Variants in NGEF observed in about 807,000 individuals in gnomAD.
NGEF encodes the protein ephexin-1.
NGEF carries 31 observed loss-of-function variants against 80.9 expected under a neutral mutation model. The observed-to-expected ratio is 0.38, with a 90% CI of 0.29 to 0.52. NGEF has a LOEUF of 0.52. Among genes scored for constraint, NGEF ranks in the 20% least tolerant of loss-of-function variants. NGEF has a pLI of 0.84. For missense variants in NGEF, 709 were observed against 926.2 expected (o/e 0.77, Z 3.04); for synonymous variants, 371 against 370.2 (o/e 1.00, Z -0.03).
intron 5 of NGEF, among the ~76,000 whole-genome samples, chr2:232,916,219 T>A (rs1414554442): frequency 6.6e-6 from 1 of 152,252 alleles, no homozygotes; most frequent in Non-Finnish European, 1.5e-5. Flanking sequence ...CTTGATAATG[T>A]CAGCTTTTTG....
At chr2:233,000,444 T>C (rs1019611360) in intron 1 of NGEF, among the ~76,000 whole-genome samples, 1 of 151,312 alleles carries the variant, frequency 6.6e-6, no homozygotes, top group Non-Finnish European at 1.5e-5. Context: ...GGCCCCACCC[T>C]CATGGCCTGG....
intron 8 of NGEF, among the ~76,000 whole-genome samples, chr2:232,889,311 T>C (rs992622677): frequency 3.3e-5 from 5 of 152,208 alleles, no homozygotes; most frequent in Non-Finnish European, 5.9e-5. Flanking sequence ...TTCCTTAGCC[T>C]GGCACGTGCT....
At chr2:232,961,485 A>ATTTTATT (rs892380218) in intron 3 of NGEF, among the ~76,000 whole-genome samples, 1 of 152,016 alleles carries the variant, frequency 6.6e-6, no homozygotes, top group African/African-American at 2.4e-5. Context: ...CAACCAGATT[A>ATTTTATT]TTTTATTTTT....
At chr2:232,962,558 T>A (rs1468748709) in intron 3 of NGEF, among the ~76,000 whole-genome samples, 2 of 151,734 alleles carry the variant, frequency 1.3e-5, no homozygotes, top group African/African-American at 4.9e-5. Context: ...CAAAAAGAGC[T>A]AATAAGCGAA....
rs57851903 is a variant in NGEF at position 232,944,726 on chromosome 2, A to AATATATATATATATATATATAT, written c.384-17562_384-17541dup. On this transcript the variant is annotated intron_variant, in intron 3 of 14. Coordinates refer to ENST00000264051, the MANE Select transcript of NGEF (RefSeq NM_019850.3). ...TGGGCTAGGGGATAAGACTTTTCCGAATATATATATATATATATATATATA... is the reference window on the plus strand; with the variant it reads ...TGGGCTAGGGGATAAGACTTTTCCGAATATATATATATATATATATATATATATATATATATATATATATATA... Among the ~76,000 whole-genome samples the AATATATATATATATATATATAT allele has an allele frequency of 8.2e-4, 89 of 108,702 alleles. 2 individuals are homozygous for AATATATATATATATATATATAT. The highest frequency in any genetic ancestry group is 1.4e-3 in the East Asian group (5 of 3,526). The allele number at this position is 108,702 out of a possible 152,430, so 71.3% of individuals were successfully genotyped here. A position where few individuals can be genotyped will look rare whatever the true frequency, so the allele number is the denominator to read the frequency against.
chr2:233,001,558 G>A lies in NGEF; in HGVS notation c.-75+11510C>T, dbSNP rs184546975. Among the ~76,000 whole-genome samples the A allele has an allele frequency of 1.4e-3, 209 of 152,302 alleles. 2 individuals carry two copies. Among genetic ancestry groups the A allele is most frequent in the Middle Eastern group, 0.014 (4 of 294 alleles). On this transcript the variant is annotated intron_variant, in intron 1 of 14. Transcript: ENST00000264051. ...AGAGTGGGAATAGCCAGCGAGAACG[G>A]AAGGCGAGAGGGAGGCAGAGGGTGA...
chr2:232,952,697 G>C lies in NGEF; in HGVS notation c.383+17517C>G, dbSNP rs562931230. ...AAAAGTGATCAGTGAGCCGGGCGCA[G>C]TGACTCACGCCTGTAATCCCAGCAC... On this transcript the variant is annotated intron_variant, in intron 3 of 14. Coordinates refer to ENST00000264051, the MANE Select transcript of NGEF (RefSeq NM_019850.3). 2.3e-3 allele frequency among the ~76,000 whole-genome samples: 357 copies of C among 152,264 alleles called. 2 individuals carry two copies. Among genetic ancestry groups the C allele is most frequent in the African/African-American group, 8.2e-3 (341 of 41,542 alleles).
intron 1 of NGEF, among the ~76,000 whole-genome samples, chr2:232,993,139 A>T (rs1046011862): frequency 1.0e-4 from 13 of 128,964 alleles, no homozygotes; most frequent in African/African-American, 2.4e-4. Context: ...ATATTTATTT[A>T]TATATATATG....
chr2:232,931,644 C>T (rs1019197036), intron 3 of NGEF, among the ~76,000 whole-genome samples: 4 of 152,220 alleles, frequency 2.6e-5, no homozygotes, highest in South Asian at 4.1e-4. Flanking sequence ...CAGACTTAAC[C>T]GTCCCAACAA....
intron 1 of NGEF, among the ~76,000 whole-genome samples, chr2:233,004,980 A>G (rs1695056804): frequency 6.6e-6 from 1 of 152,098 alleles, no homozygotes; most frequent in Non-Finnish European, 1.5e-5. Flanking sequence ...CAAAAAAAAG[A>G]CTTTCTTCCT....
In NGEF at chr2:232,993,152, C is replaced by CAAATATATATATATTATATATATAAAT. The variant is rs1553559468; in HGVS notation, c.-74-18215_-74-18189dup. 3.6e-3 allele frequency among the ~76,000 whole-genome samples: 77 copies of CAAATATATATATATTATATATATAAAT among 21,604 alleles called. 1 individual carries two copies. The highest frequency in any genetic ancestry group is 4.6e-3 in the Non-Finnish European group (62 of 13,358). The allele number at this position is 21,604 out of a possible 152,430, so 14.2% of individuals were successfully genotyped here. On this transcript the variant is annotated intron_variant, in intron 1 of 14. Coordinates refer to ENST00000264051, the MANE Select transcript of NGEF (RefSeq NM_019850.3). ...ATATATTTATTTATATATATATGGG[C>CAAATATATATATATTATATATATAAAT]AAATATATATATATTATATATATAA...
intron 3 of NGEF, among the ~76,000 whole-genome samples, chr2:232,938,511 G>A (rs1693375125): frequency 6.6e-6 from 1 of 152,046 alleles, no homozygotes; most frequent in South Asian, 2.1e-4. Context: ...GGATACATAG[G>A]GTCTGGGGGT....
chr2:232,936,386 C>T (rs1172299420), intron 3 of NGEF, among the ~76,000 whole-genome samples: 1 of 152,200 alleles, frequency 6.6e-6, no homozygotes, highest in Non-Finnish European at 1.5e-5. Context: ...TGGCTTTTGC[C>T]TAGGCTCTTA....
chr2:232,972,134 A>T (rs1333074396), intron 2 of NGEF, among the ~76,000 whole-genome samples: 2 of 152,202 alleles, frequency 1.3e-5, no homozygotes, highest in African/African-American at 4.8e-5. Context: ...ATTTGGATCA[A>T]TTTGGGTATG....
chr2:232,956,451 G>T (rs1693835064), intron 3 of NGEF, among the ~76,000 whole-genome samples: 1 of 152,116 alleles, frequency 6.6e-6, no homozygotes, highest in Admixed American at 6.6e-5. Flanking sequence ...AGTATTGATA[G>T]AACCAATAAA....
In NGEF at chr2:232,943,367, G is replaced by A. The variant is rs574895337; in HGVS notation, c.384-16181C>T. On this transcript the variant is annotated intron_variant, in intron 3 of 14. Coordinates refer to ENST00000264051, the MANE Select transcript of NGEF (RefSeq NM_019850.3). ...TCAGAGTAATGACAGAAGAGAACAAGAGAAAATTTCTTCTCGTTGAAAACT... is the reference window on the plus strand; with the variant it reads ...TCAGAGTAATGACAGAAGAGAACAAAAGAAAATTTCTTCTCGTTGAAAACT... Among the ~76,000 whole-genome samples the A allele has an allele frequency of 6.6e-5, 10 of 152,232 alleles. No homozygotes were observed. In the South Asian group the frequency reaches 1.9e-3, roughly 28 times the overall value.
In NGEF at chr2:232,927,114, C is replaced by T. The variant is rs572666943; in HGVS notation, c.456G>A (p.Thr152=). Residue 152 remains threonine, a synonymous_variant, in exon 4 of 15, where the codon ACG becomes ACA. Coordinates refer to ENST00000264051, the MANE Select transcript of NGEF (RefSeq NM_019850.3). ...EWPALADSPT[T]LTEALRMIHP... ...GGATCATCCGCAGGGCCTCGGTGAG[C>T]GTGGTGGGGCTGTCGGCCAGGGCCG... 7 of 1,613,028 alleles carry T rather than the reference C, an allele frequency of 4.3e-6. No homozygotes were observed. In the Admixed American group the frequency reaches 5.0e-5, roughly 12 times the overall value.
chr2:232,882,275 G>A lies in NGEF; in HGVS notation c.1758-10C>T. On this transcript the variant is annotated splice_polypyrimidine_tract_variant and intron_variant, in intron 12 of 14. Coordinates refer to ENST00000264051, the MANE Select transcript of NGEF (RefSeq NM_019850.3). ...ACGCTTCATCTCACTCCTGGCACAG[G>A]GAAGAGGACAGTGCCCCAACTGCAG... 3 of 1,612,332 alleles carry A rather than the reference G, an allele frequency of 1.9e-6. No individual in the cohort carries two copies. The East Asian group carries it at 6.7e-5, about 36-fold the overall frequency.
chr2:232,913,778 G>A (rs1183211039), intron 5 of NGEF, among the ~76,000 whole-genome samples: 1 of 152,042 alleles, frequency 6.6e-6, no homozygotes, highest in African/African-American at 2.4e-5. Context: ...AAATTAGCTG[G>A]GCGTGGTGGC....
Sources: gnomAD v4.1 joint callset for allele counts (sites outside exome capture counted in the v4.1 genomes callset) on GRCh38, gnomAD v4.1.1 for gene constraint, MANE v1.5 for transcripts, NCBI Gene and HGNC (gene_info 2026-07-23, HGNC 2026-07-21) for gene names.